Variants in AP4S1 observed in about 807,000 individuals in gnomAD.
The protein encoded by AP4S1 is adaptor related protein complex 4 subunit sigma 1, also known as AP-4 complex subunit sigma-1.
Under a neutral mutation model 19.8 loss-of-function variants are expected in AP4S1, and 23 were observed. The observed-to-expected ratio is 1.16, with a 90% confidence interval of 0.84 to 1.65. AP4S1 has a LOEUF of 1.65. Among genes scored for constraint, AP4S1 ranks in the 40% most tolerant of loss-of-function variants. AP4S1 has a pLI of 0.00. For missense variants in AP4S1, 166 were observed against 172.8 expected (o/e 0.96, Z 0.22); for synonymous variants, 46 against 54.1 (o/e 0.85, Z 0.66).
At chr14:31,088,723 G>T (rs778876795) in intron 5 of AP4S1, among the ~76,000 whole-genome samples, 5 of 147,528 alleles carry the variant, frequency 3.4e-5, no homozygotes, top group Non-Finnish European at 7.4e-5. Context: ...CGGGAGGATC[G>T]CTTGAACCTG....
intron 1 of AP4S1, among the ~76,000 whole-genome samples, chr14:31,053,589 C>CTTTTTTTTTTTTTTTTTTTTTTTTTTTTT (rs758966011): frequency 1.4e-5 from 1 of 71,110 alleles, no homozygotes; most frequent in African/African-American, 5.8e-5. Flanking sequence ...TGACTTTTTT[C>CTTTTTTTTTTTTTTTTTTTTTTTTTTTTT]TTTTTTTTTT....
chr14:31,046,001 T>C lies in AP4S1; in HGVS notation c.-71-20125T>C, dbSNP rs540363475. Among the ~76,000 whole-genome samples the C allele has an allele frequency of 2.4e-4, 36 of 151,116 alleles. 1 individual carries two copies. The South Asian group carries it at 5.9e-3, about 25-fold the overall frequency. ...TTTTTTTTGAGACGGAGTTTCACTC[T>C]TGTTGCCCAGGCTGGAGTGCAATGG... is the stretch of plus-strand genomic sequence containing the variant. On this transcript the variant is annotated intron_variant, in intron 1 of 5. Coordinates refer to ENST00000542754, the MANE Select transcript of AP4S1 (RefSeq NM_001128126.3).
At chr14:31,042,156 AT>A (rs1482614693) in intron 1 of AP4S1, among the ~76,000 whole-genome samples, 18 of 152,324 alleles carry the variant, frequency 1.2e-4, no homozygotes, top group African/African-American at 4.1e-4. Flanking sequence ...GTCTAAATAA[AT>A]TACCCTTGGC....
intron 1 of AP4S1, among the ~76,000 whole-genome samples, chr14:31,064,668 G>C (rs1170319936): frequency 1.3e-5 from 2 of 152,032 alleles, no homozygotes; most frequent in Non-Finnish European, 2.9e-5. Context: ...TTAAAGTAAG[G>C]ATAACAGACT....
chr14:31,070,548 A>G (rs1249726063), intron 3 of AP4S1, among the ~76,000 whole-genome samples: 1 of 152,144 alleles, frequency 6.6e-6, no homozygotes, highest in Non-Finnish European at 1.5e-5. Context: ...GTGCCTGGCT[A>G]GGATCTTGGT....
upstream of AP4S1, chr14:31,025,455 G>T (rs112406943): frequency 5.5e-5 from 9 of 163,158 alleles, no homozygotes; most frequent in African/African-American, 2.3e-4. Context: ...AATCGGAAAG[G>T]GGGGTGGTCC....
intron 1 of AP4S1, among the ~76,000 whole-genome samples, chr14:31,054,884 A>C (rs1043694562): frequency 6.7e-6 from 1 of 148,164 alleles, no homozygotes; most frequent in Non-Finnish European, 1.5e-5. Context: ...AAAAAAAAAA[A>C]AAAAAAAAAA....
chr14:31,028,416 G>A (rs1236485483), intron 1 of AP4S1, among the ~76,000 whole-genome samples: 1 of 151,832 alleles, frequency 6.6e-6, no homozygotes, highest in African/African-American at 2.4e-5. Context: ...GGCTCAAGTG[G>A]TCCACCCACC....
chr14:31,080,278 C>T (rs1384242632), intron 4 of AP4S1, among the ~76,000 whole-genome samples: 2 of 152,226 alleles, frequency 1.3e-5, no homozygotes, highest in African/African-American at 4.8e-5. Context: ...ATCTCTGATA[C>T]ACATATCAAA....
chr14:31,042,312 A>G (rs1885155223), intron 1 of AP4S1, among the ~76,000 whole-genome samples: 1 of 152,216 alleles, frequency 6.6e-6, no homozygotes, highest in African/African-American at 2.4e-5. Flanking sequence ...AAGGTAGAAT[A>G]TGATGATCCA....
At chr14:31,075,644 T>G (rs1887312352) in intron 4 of AP4S1, among the ~76,000 whole-genome samples, 1 of 152,170 alleles carries the variant, frequency 6.6e-6, no homozygotes, top group Admixed American at 6.6e-5. Context: ...TTTCATTGAG[T>G]GTAGTGTTTT....
intron 1 of AP4S1, among the ~76,000 whole-genome samples, chr14:31,027,538 T>C (rs994137741): frequency 1.3e-5 from 2 of 151,586 alleles, no homozygotes; most frequent in Non-Finnish European, 2.9e-5. Flanking sequence ...GGCGCACACC[T>C]GTAGTCCCAG....
intron 1 of AP4S1, among the ~76,000 whole-genome samples, chr14:31,053,747 T>G (rs1244246481): frequency 6.6e-6 from 1 of 151,984 alleles, no homozygotes; most frequent in African/African-American, 2.4e-5. Context: ...TAGTAACCTT[T>G]TATAGGATCC....
intron 5 of AP4S1, among the ~76,000 whole-genome samples, chr14:31,086,949 C>T (rs1887934948): frequency 6.6e-6 from 1 of 151,992 alleles, no homozygotes. Flanking sequence ...GCCTCAAACT[C>T]CTGGGCTCAA....
intron 1 of AP4S1, among the ~76,000 whole-genome samples, chr14:31,065,722 G>A (rs947528638): frequency 5.3e-5 from 8 of 152,090 alleles, no homozygotes; most frequent in Non-Finnish European, 8.8e-5. Flanking sequence ...GTGCAGTGGC[G>A]CAATCTCGGC....
chr14:31,088,222 C>G (rs771288211), intron 5 of AP4S1, among the ~76,000 whole-genome samples: 1 of 152,170 alleles, frequency 6.6e-6, no homozygotes, highest in Non-Finnish European at 1.5e-5. Context: ...TTCAGGAGCC[C>G]GCTAGGTGCC....
intron 1 of AP4S1, among the ~76,000 whole-genome samples, chr14:31,037,029 G>C (rs1386972395): frequency 6.6e-6 from 1 of 151,814 alleles, no homozygotes; most frequent in Non-Finnish European, 1.5e-5. Context: ...GGCCAGGATG[G>C]TCTCGATCTC....
chr14:31,065,994 A>G, intron 1 of AP4S1, 132 bp from the exon 2 acceptor site: 1 of 509,152 alleles, frequency 2.0e-6, no homozygotes, highest in Non-Finnish European at 3.5e-6. Context: ...ATTAGTTCAT[A>G]GGAATAAAGA....
chr14:31,092,835 G>A, intron 5 of AP4S1, 72 bp from the exon 6 acceptor site: 1 of 1,231,420 alleles, frequency 8.1e-7, no homozygotes, highest in Non-Finnish European at 1.1e-6. Context: ...GAACACTCTA[G>A]GTTAAGCCAT....
Sources: allele counts gnomAD v4.1 joint callset (sites outside exome capture counted in the v4.1 genomes callset), GRCh38; gene constraint gnomAD v4.1.1; transcripts MANE v1.5; gene names NCBI Gene and HGNC (gene_info 2026-07-23, HGNC 2026-07-21).